POLRMT: variants seen among roughly 807,000 people sequenced by gnomAD.
POLRMT encodes the protein RNA polymerase mitochondrial, also known as DNA-directed RNA polymerase, mitochondrial.
POLRMT carries 114 observed loss-of-function variants against 132.2 expected under a neutral mutation model. The observed-to-expected ratio is 0.86, with a 90% confidence interval of 0.74 to 1.01. The LOEUF is 1.01. POLRMT is among the 50% of genes least tolerant of loss of function. POLRMT has a pLI of 0.00. For synonymous variants in POLRMT, 1,020 were observed against 773.4 expected (o/e 1.32, Z -5.29); for missense variants, 2,003 against 1,729.1 (o/e 1.16, Z -2.81).
At position 619,772 on chromosome 19, in the gene POLRMT, G is replaced by C. The variant is rs11669381; in HGVS notation, c.2887-7C>G. The C allele has an allele frequency of 0.49, 762,411 of 1,557,264 alleles. 191,262 individuals carry two copies. The highest frequency in any genetic ancestry group is 0.74 in the South Asian group (61,741 of 83,286). ...GCCTACGGAACACCTCCACCTGCAC[G>C]GCGGGTGGGCCGGGGGCGCGGGTCA... On this transcript the variant is annotated splice_region_variant and splice_polypyrimidine_tract_variant and intron_variant, in intron 12 of 20. Transcript: ENST00000588649.
Position 622,564 on chromosome 19 carries a change from AGG to A in POLRMT, c.1626+16_1626+17del, listed in dbSNP as rs781694323. ...CACCACTGGCCCCAGCCAGGAGGAGAGGGGGTGCGAGCCTCACCTCGGCGTCG... is the reference window on the plus strand; with the variant it reads ...CACCACTGGCCCCAGCCAGGAGGAGAGGGTGCGAGCCTCACCTCGGCGTCG... On this transcript the variant is annotated intron_variant, in intron 8 of 20. Transcript: ENST00000588649. The A allele has an allele frequency of 3.8e-6, 6 of 1,584,616 alleles. No homozygotes were observed. The highest frequency in any genetic ancestry group is 5.2e-6 in the Non-Finnish European group (6 of 1,164,784).
chr19:620,852 G>A (rs1218498707), intron 10 of POLRMT, among the ~76,000 whole-genome samples: 2 of 109,462 alleles, frequency 1.8e-5, no homozygotes, highest in South Asian at 6.6e-4. Flanking sequence ...ACGGGCAGGG[G>A]GCGCGGGGGA....
chr19:620,109 G>T, intron 11 of POLRMT, 29 bp from the exon 12 acceptor site: 1 of 1,534,530 alleles, frequency 6.5e-7, no homozygotes, highest in Non-Finnish European at 8.7e-7. Flanking sequence ...ACGGGAGATG[G>T]AAGCTAGAGA....
At chr19:617,530 G>A (rs1431352425) in intron 19 of POLRMT, 40 bp downstream of exon 19, 1 of 1,608,390 alleles carries the variant, frequency 6.2e-7, no homozygotes, top group Admixed American at 1.7e-5. Flanking sequence ...TTTTGGGGTG[G>A]GGGGGGAATC....
intron 6 of POLRMT, 39 bp from the exon 7 acceptor site, chr19:623,024 C>A: frequency 6.2e-7 from 1 of 1,601,340 alleles, no homozygotes; most frequent in Non-Finnish European, 8.5e-7. Flanking sequence ...CCCGTGGCAG[C>A]TGGTGGGACC....
chr19:632,793 C>G lies in POLRMT; in HGVS notation c.193+41G>C, dbSNP rs1600601029. ...TGCCTTTTCTCCCGGCAGCAGGGAG[C>G]GGACTCTCCTCTCCCGGGCCGCCGT... On this transcript the variant is annotated intron_variant, in intron 2 of 20. Coordinates refer to ENST00000588649, the MANE Select transcript of POLRMT (RefSeq NM_005035.4). The G allele has an allele frequency of 4.1e-6, 6 of 1,463,788 alleles. No homozygotes were observed. In the East Asian group the frequency reaches 1.3e-4, roughly 32 times the overall value. 90.7% of individuals were successfully genotyped at this position (1,463,788 alleles called of 1,614,324 possible). A position where few individuals can be genotyped will look rare whatever the true frequency, so the allele number is the denominator to read the frequency against.
rs955011306 is a variant in POLRMT, at chr19:617,306, G to A, written c.3661C>T (p.Gln1221Ter). 32 of 1,612,798 alleles carry A rather than the reference G, an allele frequency of 2.0e-5. No individual in the cohort carries two copies. The highest frequency in any genetic ancestry group is 2.4e-5 in the Non-Finnish European group (28 of 1,179,902). The stretch of plus-strand genomic sequence containing the variant: ...AAGAAGTAGGTGGAACGCTTCACCT[G>A]CTCCAGGTCGAAGGCCCCTGCGGAG... ...VPKPGAFDLE[Q>*]VKRSTYFFS The change falls in exon 21 of 21, where the codon CAG becomes TAG. Residue 1221 changes from glutamine (Q) to a stop codon, truncating the protein, a stop_gained. Coordinates refer to ENST00000588649, the MANE Select transcript of POLRMT (RefSeq NM_005035.4). LOFTEE classifies it high-confidence loss of function.
At chr19:628,633 G>GT (rs149513154) in intron 3 of POLRMT, among the ~76,000 whole-genome samples, 20 of 151,406 alleles carry the variant, frequency 1.3e-4, no homozygotes, top group South Asian at 6.3e-4. Flanking sequence ...AAGGATCATG[G>GT]GGGGGGAGAA....
In POLRMT at chr19:629,712, G is replaced by T; in HGVS notation, c.650C>A (p.Ala217Asp). The change falls in exon 3 of 21, where the codon GCC becomes GAC. Residue 217 changes from alanine (A) to aspartate (D), a missense_variant. Physicochemically the swap from Ala to Asp is moderately radical, Grantham distance 126 (BLOSUM62 -2). Coordinates refer to ENST00000588649, the MANE Select transcript of POLRMT (RefSeq NM_005035.4). Reference sequence around the variant, plus strand: ...CCTCTGCTGCTGACCTGAGAGCTGGGCCTGCGAGTGCTGCCCCGACGGGGC... The same window carrying T: ...CCTCTGCTGCTGACCTGAGAGCTGGTCCTGCGAGTGCTGCCCCGACGGGGC... ...EQAPSGQHSQ[A>D]QLSGQQQRLL... is the part of the protein sequence containing the mutation. 6.3e-7 allele frequency: 1 copy of T among 1,594,880 alleles called. No homozygotes were observed. The highest frequency in any genetic ancestry group is 8.5e-7 in the Non-Finnish European group (1 of 1,171,526).
intron 2 of POLRMT, 102 bp downstream of exon 2, chr19:632,732 G>C: frequency 9.9e-7 from 1 of 1,015,072 alleles, no homozygotes; most frequent in Admixed American, 2.7e-5. Flanking sequence ...CCGAGAGGTG[G>C]AGACCGCCCT....
chr19:628,197 G>A (rs548708580), intron 3 of POLRMT, among the ~76,000 whole-genome samples: 7 of 152,286 alleles, frequency 4.6e-5, no homozygotes, highest in East Asian at 1.9e-4. Flanking sequence ...TTCTGGGCTC[G>A]TGCTAAGAGT....
At chr19:624,599 A>G in intron 5 of POLRMT, 120 bp downstream of exon 5, 1 of 1,153,084 alleles carries the variant, frequency 8.7e-7, no homozygotes. Context: ...GGAGGAATTC[A>G]GGGCCCAGCC....
intron 11 of POLRMT, 136 bp from the exon 12 acceptor site, chr19:620,216 C>A: frequency 6.9e-7 from 1 of 1,457,984 alleles, no homozygotes; most frequent in South Asian, 1.4e-5. Context: ...CCGCACGCTC[C>A]CGGGAGAGAC....
At chr19:631,089 G>T (rs915674737) in intron 2 of POLRMT, among the ~76,000 whole-genome samples, 2 of 152,078 alleles carry the variant, frequency 1.3e-5, no homozygotes, top group Middle Eastern at 3.4e-3. Flanking sequence ...AGCCTGGGAG[G>T]CAGAGGTTGC....
Position 618,780 on chromosome 19 carries a change from G to A in POLRMT, c.3268-20C>T, listed in dbSNP as rs372308290. 124 of 1,582,700 alleles carry A rather than the reference G, an allele frequency of 7.8e-5. 1 individual carries two copies. Among genetic ancestry groups the A allele is most frequent in the South Asian group, 6.3e-4 (55 of 87,482 alleles). On this transcript the variant is annotated intron_variant, in intron 15 of 20. Transcript: ENST00000588649. ...TATTTGCTAAAAAGGGGAAGGGGCC[G>A]GTGAGTCCCACCCGAGGCCCAGCAC...
intron 8 of POLRMT, 103 bp downstream of exon 8, chr19:622,479 G>C (rs2144628756): frequency 2.0e-6 from 3 of 1,475,006 alleles, no homozygotes; most frequent in Non-Finnish European, 9.0e-7. Context: ...CAAGCATACA[G>C]ATGAACAGAC....
intron 13 of POLRMT, 120 bp from the exon 14 acceptor site, chr19:619,416 G>A (rs924066604): frequency 1.0e-5 from 14 of 1,359,324 alleles, no homozygotes; most frequent in African/African-American, 1.4e-5. Flanking sequence ...GCAGGGGAAT[G>A]GGGCCTGGCG....
intron 1 of POLRMT, 154 bp downstream of exon 1, chr19:633,271 G>T: frequency 2.1e-6 from 2 of 975,200 alleles, no homozygotes; most frequent in Non-Finnish European, 2.8e-6. Context: ...CAGTCGAAAA[G>T]CGGGCAAGGG....
rs757305098 is a variant in POLRMT at position 622,563 on chromosome 19, G to T, written c.1626+19C>A. 2 of 1,585,446 alleles carry T rather than the reference G, an allele frequency of 1.3e-6. No individual in the cohort carries two copies. Among genetic ancestry groups the T allele is most frequent in the Non-Finnish European group, 1.7e-6 (2 of 1,165,260 alleles). The stretch of plus-strand genomic sequence containing the variant: ...CCACCACTGGCCCCAGCCAGGAGGA[G>T]AGGGGGTGCGAGCCTCACCTCGGCG... On this transcript the variant is annotated intron_variant, in intron 8 of 20. Coordinates refer to ENST00000588649, the MANE Select transcript of POLRMT (RefSeq NM_005035.4).
Sources: allele counts gnomAD v4.1 joint callset (sites outside exome capture counted in the v4.1 genomes callset), GRCh38; gene constraint gnomAD v4.1.1; transcripts MANE v1.5; gene names NCBI Gene and HGNC (gene_info 2026-07-23, HGNC 2026-07-21).